The following EYS variants were observed in gnomAD, a reference collection of about 807,000 sequenced individuals.
EYS encodes the protein protein eyes shut homolog.
Under a neutral mutation model 282.1 loss-of-function variants are expected in EYS, and 250 were observed. The observed-to-expected ratio is 0.89, with a 90% CI of 0.80 to 0.98. The LOEUF is 0.98. Ranked by LOEUF, EYS falls within the 50% of genes least tolerant of loss-of-function variation. The pLI is 0.00. For missense variants in EYS, 4,016 were observed against 3,709.0 expected (o/e 1.08, Z -2.15); for synonymous variants, 1,355 against 1,282.9 (o/e 1.06, Z -1.20).
chr6:64,474,697 T>C (rs1776211766), intron 26 of EYS, among the ~76,000 whole-genome samples: 2 of 152,184 alleles, frequency 1.3e-5, no homozygotes, highest in African/African-American at 4.8e-5. Flanking sequence ...AGAAGGTCTT[T>C]GTTAAGATGT....
chr6:63,752,435 T>C lies in EYS; in HGVS notation c.8071+10026A>G, dbSNP rs375323697. ...TGTCAGTATAAGAAATGGCCATCTA[T>C]ATAGAGTCTCTTCATTTTCTAGAAA... On this transcript the variant is annotated intron_variant, in intron 41 of 42. Transcript: ENST00000503581. 8.5e-5 allele frequency among the ~76,000 whole-genome samples: 13 copies of C among 152,130 alleles called. No homozygotes were observed. The East Asian group carries it at 2.3e-3, about 27-fold the overall frequency.
chr6:64,904,551 G>C (rs1219561294), intron 16 of EYS, among the ~76,000 whole-genome samples: 5 of 152,140 alleles, frequency 3.3e-5, no homozygotes, highest in South Asian at 2.1e-4. Flanking sequence ...GTATTTGATT[G>C]AGGTTAGATT....
intron 26 of EYS, among the ~76,000 whole-genome samples, chr6:64,526,919 G>A (rs1337337006): frequency 2.0e-5 from 3 of 151,740 alleles, no homozygotes; most frequent in Non-Finnish European, 3.0e-5. Context: ...CTTACGTACT[G>A]TTAAATTCTA....
chr6:64,394,788 A>C (rs1399286829), intron 28 of EYS, among the ~76,000 whole-genome samples: 2 of 152,164 alleles, frequency 1.3e-5, no homozygotes, highest in African/African-American at 2.4e-5. Flanking sequence ...AATGGGATCT[A>C]ATTAAACTAA....
chr6:65,382,100 C>T (rs6914103), intron 8 of EYS, among the ~76,000 whole-genome samples: 137,963 of 151,842 alleles, frequency 0.91, 62,874 homozygotes, highest in Non-Finnish European at 0.95. Context: ...TTAAAAATTA[C>T]TTTGATGCAC....
chr6:64,513,474 G>T (rs1777468671), intron 26 of EYS, among the ~76,000 whole-genome samples: 1 of 151,884 alleles, frequency 6.6e-6, no homozygotes, highest in African/African-American at 2.4e-5. Context: ...CTATAAACTT[G>T]TAGTATCTAT....
At chr6:65,166,966 GA>G (rs1249282875) in intron 12 of EYS, among the ~76,000 whole-genome samples, 5 of 151,076 alleles carry the variant, frequency 3.3e-5, no homozygotes, top group Non-Finnish European at 7.4e-5. Flanking sequence ...AGCTGTTAGA[GA>G]AAATGCAAAA....
intron 30 of EYS, among the ~76,000 whole-genome samples, chr6:64,271,899 G>A (rs897563788): frequency 6.6e-6 from 1 of 151,990 alleles, no homozygotes; most frequent in African/African-American, 2.4e-5. Context: ...GAGTGCAATG[G>A]CGTGATCTCA....
chr6:65,222,504 G>T (rs1366812805), intron 12 of EYS, among the ~76,000 whole-genome samples: 2 of 152,166 alleles, frequency 1.3e-5, no homozygotes, highest in Non-Finnish European at 2.9e-5. Flanking sequence ...ATGTGGAACT[G>T]TGAGTCCATT....
chr6:64,509,892 T>C (rs1294672005), intron 26 of EYS, among the ~76,000 whole-genome samples: 8 of 152,184 alleles, frequency 5.3e-5, no homozygotes, highest in Admixed American at 5.2e-4. Context: ...TGAAGATGGT[T>C]GTATGTTAAT....
chr6:63,747,070 A>G (rs1273059179), intron 41 of EYS, among the ~76,000 whole-genome samples: 1 of 152,164 alleles, frequency 6.6e-6, no homozygotes, highest in African/African-American at 2.4e-5. Flanking sequence ...GTGGGCATTT[A>G]GTGCTATAAA....
intron 5 of EYS, among the ~76,000 whole-genome samples, chr6:65,430,941 A>G (rs1252828451): frequency 6.6e-6 from 1 of 152,192 alleles, no homozygotes; most frequent in Non-Finnish European, 1.5e-5. Context: ...CTCAGGTGAG[A>G]TGCAGCACAT....
chr6:65,442,785 A>ATATAT (rs370706459), intron 5 of EYS, among the ~76,000 whole-genome samples: 1 of 121,734 alleles, frequency 8.2e-6, no homozygotes, highest in Admixed American at 9.4e-5. Context: ...AAAAATTAAA[A>ATATAT]AAAAATATAT....
At chr6:64,313,262 C>G (rs1029082611) in intron 29 of EYS, among the ~76,000 whole-genome samples, 7 of 152,118 alleles carry the variant, frequency 4.6e-5, no homozygotes, top group African/African-American at 1.7e-4. Context: ...CCAAATCGAT[C>G]AAGCAGAAGA....
intron 26 of EYS, among the ~76,000 whole-genome samples, chr6:64,572,017 A>G (rs1320809950): frequency 2.6e-5 from 4 of 152,170 alleles, no homozygotes; most frequent in Non-Finnish European, 4.4e-5. Context: ...ATGAACATCA[A>G]TGCAAAAATC....
intron 2 of EYS, among the ~76,000 whole-genome samples, chr6:65,579,471 T>C (rs1764795571): frequency 6.6e-6 from 1 of 152,144 alleles, no homozygotes; most frequent in South Asian, 2.1e-4. Flanking sequence ...GAAAATATCA[T>C]AGACTGGGTG....
chr6:64,945,282 A>G (rs1769248246), intron 15 of EYS, among the ~76,000 whole-genome samples: 1 of 152,014 alleles, frequency 6.6e-6, no homozygotes, highest in Non-Finnish European at 1.5e-5. Flanking sequence ...CAGAATTTCT[A>G]TTTGGAGTTT....
At chr6:63,981,250 G>A (rs1767076691) in intron 35 of EYS, among the ~76,000 whole-genome samples, 1 of 151,722 alleles carries the variant, frequency 6.6e-6, no homozygotes, top group Non-Finnish European at 1.5e-5. Flanking sequence ...TTGGGTATTG[G>A]TGGGAAGAGC....
intron 22 of EYS, among the ~76,000 whole-genome samples, chr6:64,697,678 T>G (rs1466513609): frequency 6.6e-6 from 1 of 152,132 alleles, no homozygotes; most frequent in Non-Finnish European, 1.5e-5. Flanking sequence ...ACACGGTGGC[T>G]CATGCCTGTA....
Sources: gnomAD v4.1 joint callset for allele counts (sites outside exome capture counted in the v4.1 genomes callset) on GRCh38, gnomAD v4.1.1 for gene constraint, MANE v1.5 for transcripts, NCBI Gene and HGNC (gene_info 2026-07-23, HGNC 2026-07-21) for gene names.